CLSTN1: variants seen among roughly 807,000 people sequenced by gnomAD.
CLSTN1 encodes calsyntenin 1, also known as calsyntenin-1.
A neutral mutation model predicts 108.3 loss-of-function variants in CLSTN1; 28 were observed. The ratio of observed to expected loss-of-function variants is 0.26; its 90% confidence interval spans 0.19 to 0.35. The LOEUF (loss-of-function observed/expected upper bound fraction) is 0.35. Ranked by LOEUF, CLSTN1 falls within the 10% of genes least tolerant of loss-of-function variation. The probability of loss-of-function intolerance (pLI) is 1.00; values close to 1 mark genes in which losing one functional copy is unlikely to be tolerated. For synonymous variants in CLSTN1, 524 were observed against 534.9 expected (o/e 0.98, Z 0.28); for missense variants, 1,157 against 1,302.6 (o/e 0.89, Z 1.72).
intron 1 of CLSTN1, among the ~76,000 whole-genome samples, chr1:9,784,474 G>C (rs1653392439): frequency 6.6e-6 from 1 of 152,172 alleles, no homozygotes; most frequent in African/African-American, 2.4e-5. Context: ...CACCACTGCA[G>C]TCCAGCCTCA....
At chr1:9,800,187 G>A (rs1654194621) in intron 1 of CLSTN1, among the ~76,000 whole-genome samples, 1 of 151,804 alleles carries the variant, frequency 6.6e-6, no homozygotes, top group Non-Finnish European at 1.5e-5. Context: ...AAGATCAGCA[G>A]ATTAAATACA....
intron 1 of CLSTN1, among the ~76,000 whole-genome samples, chr1:9,802,802 T>C (rs1654337637): frequency 6.6e-6 from 1 of 150,954 alleles, no homozygotes; most frequent in Admixed American, 6.8e-5. Flanking sequence ...AGCCATATAA[T>C]TAAGGAGCTG....
chr1:9,741,119 C>T lies in CLSTN1; in HGVS notation c.1494G>A (p.Gln498=). 1.2e-6 allele frequency: 2 copies of T among 1,613,768 alleles called. No individual in the cohort carries two copies. Among genetic ancestry groups the T allele is most frequent in the Non-Finnish European group, 1.7e-6 (2 of 1,179,736 alleles). The change falls in exon 10 of 19, where the codon CAG becomes CAA. Residue 498 remains glutamine, a synonymous_variant. Coordinates refer to ENST00000377298, the MANE Select transcript of CLSTN1 (RefSeq NM_001009566.3). ...YPLHPSKIET[Q]LVVGACWQEF... is the part of the protein sequence containing the mutation. ...CTTGCCAGCAAGCCCCCACCACGAGCTGAGTTTCTATCTTGGATGGATGGA... is the reference window on the plus strand; with the variant it reads ...CTTGCCAGCAAGCCCCCACCACGAGTTGAGTTTCTATCTTGGATGGATGGA...
intron 1 of CLSTN1, among the ~76,000 whole-genome samples, chr1:9,779,036 A>G (rs75381154): frequency 0.01 from 1,573 of 151,320 alleles, 11 homozygotes; most frequent in Middle Eastern, 0.017. Context: ...AAAAAAAAAA[A>G]AAGAAGAAGA....
intron 1 of CLSTN1, among the ~76,000 whole-genome samples, chr1:9,815,448 C>T (rs1654931698): frequency 6.6e-6 from 1 of 152,126 alleles, no homozygotes; most frequent in Admixed American, 6.5e-5. Context: ...GAGACAATGG[C>T]AAAGGAAGGA....
chr1:9,768,895 G>C (rs1652514281), intron 2 of CLSTN1, among the ~76,000 whole-genome samples: 1 of 149,624 alleles, frequency 6.7e-6, no homozygotes, highest in Admixed American at 6.7e-5. Context: ...GAGGGAGGGA[G>C]GGAGGAAGCA....
At position 9,735,428 on chromosome 1, in the gene CLSTN1, T is replaced by C. The variant is rs368128008; in HGVS notation, c.1883+39A>G. 4.3e-6 allele frequency: 7 copies of C among 1,613,716 alleles called. No homozygotes were observed. In the African/African-American group the frequency reaches 6.7e-5, roughly 15 times the overall value. On this transcript the variant is annotated intron_variant, in intron 13 of 18. Coordinates refer to ENST00000377298, the MANE Select transcript of CLSTN1 (RefSeq NM_001009566.3). The stretch of plus-strand genomic sequence containing the variant: ...TAAAAACCTAAATATACAAGTGTCA[T>C]TGGGCAAAACAGGCCGGCTGTTAAA...
At chr1:9,786,370 G>A (rs1346640843) in intron 1 of CLSTN1, among the ~76,000 whole-genome samples, 3 of 152,012 alleles carry the variant, frequency 2.0e-5, no homozygotes, top group Non-Finnish European at 4.4e-5. Context: ...GGCTGGGCGC[G>A]GTGGCTCATG....
chr1:9,814,370 T>C (rs1418735824), intron 1 of CLSTN1, among the ~76,000 whole-genome samples: 1 of 152,092 alleles, frequency 6.6e-6, no homozygotes, highest in Non-Finnish European at 1.5e-5. Context: ...GCTGAGATCG[T>C]GCCACTGCAC....
rs1652776973 is a variant in CLSTN1, at chr1:9,773,266, T to C, written c.214+6A>G. On this transcript the variant is annotated splice_donor_region_variant and intron_variant, in intron 2 of 18. Coordinates refer to ENST00000377298, the MANE Select transcript of CLSTN1 (RefSeq NM_001009566.3). ...CATCAAGAGTCAATGAAAGCCCCGT[T>C]CCTACCTGCAAATCGCAGAGGCGCA... The C allele has an allele frequency of 6.2e-7, 1 of 1,613,832 alleles. No individual in the cohort carries two copies. The highest frequency in any genetic ancestry group is 1.7e-5 in the Admixed American group (1 of 59,970).
rs1651106523 is a variant in CLSTN1, at chr1:9,743,868, T to C, written c.1356+16A>G. 4 of 1,613,356 alleles carry C rather than the reference T, an allele frequency of 2.5e-6. No individual in the cohort carries two copies. The highest frequency in any genetic ancestry group is 3.4e-6 in the Non-Finnish European group (4 of 1,179,632). ...CACCTTGCCCGGCCCTATTAGTGCGTTTTCAATTCACTCACCTGATTCAAC... is the reference window on the plus strand; with the variant it reads ...CACCTTGCCCGGCCCTATTAGTGCGCTTTCAATTCACTCACCTGATTCAAC... On this transcript the variant is annotated intron_variant, in intron 9 of 18. Transcript: ENST00000377298.
chr1:9,783,879 G>C (rs1653361635), intron 1 of CLSTN1, among the ~76,000 whole-genome samples: 1 of 152,136 alleles, frequency 6.6e-6, no homozygotes, highest in Admixed American at 6.6e-5. Flanking sequence ...TGTAATCCCA[G>C]CTACTTGGGA....
chr1:9,796,028 A>G lies in CLSTN1; in HGVS notation c.92-22634T>C, dbSNP rs1418626484. On this transcript the variant is annotated intron_variant, in intron 1 of 18. Coordinates refer to ENST00000377298, the MANE Select transcript of CLSTN1 (RefSeq NM_001009566.3). ...ACCTCTAACAGCACTTTGGGAGGCC[A>G]AGGTGGCCGGATCACTTGAAGTCAG... Among the ~76,000 whole-genome samples, 2 of 150,678 alleles carry G rather than the reference A, an allele frequency of 1.3e-5. 1 individual carries two copies. The highest frequency in any genetic ancestry group is 4.9e-5 in the African/African-American group (2 of 41,230).
chr1:9,740,854 C>T (rs1650943847), intron 10 of CLSTN1, among the ~76,000 whole-genome samples: 1 of 152,308 alleles, frequency 6.6e-6, no homozygotes, highest in South Asian at 2.1e-4. Flanking sequence ...CTTGGGTTTC[C>T]GGGAAAGGTG....
At chr1:9,772,878 C>G (rs1466224375) in intron 2 of CLSTN1, among the ~76,000 whole-genome samples, 1 of 152,134 alleles carries the variant, frequency 6.6e-6, no homozygotes, top group Non-Finnish European at 1.5e-5. Context: ...CTCCATGCCA[C>G]TTGAGGACCA....
intron 15 of CLSTN1, 50 bp from the exon 16 acceptor site, chr1:9,733,596 A>G: frequency 6.2e-7 from 1 of 1,607,682 alleles, no homozygotes; most frequent in South Asian, 1.1e-5. Context: ...GGGCAGGAGC[A>G]TGGGCAGGGC....
At chr1:9,758,517 T>C (rs1371332863) in intron 2 of CLSTN1, among the ~76,000 whole-genome samples, 2 of 151,488 alleles carry the variant, frequency 1.3e-5, no homozygotes, top group Non-Finnish European at 2.9e-5. Context: ...TTTCACCATA[T>C]TGGCCAGGCT....
intron 1 of CLSTN1, among the ~76,000 whole-genome samples, chr1:9,776,449 G>C (rs1470247891): frequency 6.6e-6 from 1 of 152,096 alleles, no homozygotes; most frequent in African/African-American, 2.4e-5. Context: ...TTGCACAATA[G>C]TGTGAATGTA....
chr1:9,781,962 CTG>C (rs1421143592), intron 1 of CLSTN1, among the ~76,000 whole-genome samples: 2 of 152,126 alleles, frequency 1.3e-5, no homozygotes, highest in Non-Finnish European at 2.9e-5. Context: ...TGCATTATAA[CTG>C]TGGATTTATA....
Sources: gnomAD v4.1 joint callset for allele counts (sites outside exome capture counted in the v4.1 genomes callset) on GRCh38, gnomAD v4.1.1 for gene constraint, MANE v1.5 for transcripts, NCBI Gene and HGNC (gene_info 2026-07-23, HGNC 2026-07-21) for gene names.